PLXNC1: variants seen among roughly 807,000 people sequenced by gnomAD.
The protein encoded by PLXNC1 is plexin-C1.
Under a neutral mutation model 178.2 loss-of-function variants are expected in PLXNC1, and 75 were observed. The ratio of observed to expected loss-of-function variants is 0.42; its 90% CI spans 0.35 to 0.51. The LOEUF is 0.51. Ranked by LOEUF, PLXNC1 falls within the 20% of genes least tolerant of loss-of-function variation. PLXNC1 has a pLI of 0.02. For missense variants in PLXNC1, 1,503 were observed against 1,984.4 expected, an observed-to-expected ratio of 0.76 and a Z score of 4.61; for synonymous variants, 790 against 779.9, an observed-to-expected ratio of 1.01 and a Z score of -0.22.
chr12:94,251,359 G>A, intron 14 of PLXNC1, 67 bp from the exon 15 acceptor site: 1 of 924,706 alleles, frequency 1.1e-6, no homozygotes, highest in East Asian at 2.4e-5. Flanking sequence ...CATTTTAGGG[G>A]GGAAATTATG....
chr12:94,254,526 T>C (rs1422106764), intron 15 of PLXNC1: 1 of 616,768 alleles, frequency 1.6e-6, no homozygotes, highest in Non-Finnish European at 3.0e-6. Context: ...GATTTAGCTT[T>C]CACTTGTAAA....
At chr12:94,226,502 TTG>T in intron 7 of PLXNC1, 101 bp from the exon 8 acceptor site, 10 of 724,878 alleles carry the variant, frequency 1.4e-5, no homozygotes, top group Admixed American at 2.7e-5. Context: ...TTTTTTTTTT[TTG>T]CCTTCTTTTA....
At chr12:94,293,387 C>T (rs1043758086) in intron 23 of PLXNC1, among the ~76,000 whole-genome samples, 2 of 152,182 alleles carry the variant, frequency 1.3e-5, no homozygotes, top group Non-Finnish European at 2.9e-5. Flanking sequence ...AAACCCATTT[C>T]AGCATTTCTT....
intron 14 of PLXNC1, among the ~76,000 whole-genome samples, chr12:94,248,860 G>T (rs1263592975): frequency 6.6e-6 from 1 of 152,078 alleles, no homozygotes. Context: ...TGGGTCATGG[G>T]CTGCTTCCTT....
rs145405885 is a variant in PLXNC1 at position 94,297,951 on chromosome 12, T to C, written c.4074+528T>C. ...TTACTTTATCTGGCTTTTAGTGGAA[T>C]TAACAGAAGTCTGTGGTGATCTTTT... On this transcript the variant is annotated intron_variant, in intron 26 of 30. Coordinates refer to ENST00000258526, the MANE Select transcript of PLXNC1 (RefSeq NM_005761.3). 7.7e-4 allele frequency among the ~76,000 whole-genome samples: 118 copies of C among 152,322 alleles called. 1 individual carries two copies. In the East Asian group the frequency reaches 0.022, roughly 28 times the overall value.
At chr12:94,153,431 C>T (rs116261006) in intron 1 of PLXNC1, among the ~76,000 whole-genome samples, 1,599 of 152,286 alleles carry the variant, frequency 0.011, 26 homozygotes, top group African/African-American at 0.037. Context: ...TTTTATAACA[C>T]ACCTGTGCTT....
At chr12:94,293,866 CTCT>C (rs760713443) in intron 23 of PLXNC1, among the ~76,000 whole-genome samples, 5 of 152,148 alleles carry the variant, frequency 3.3e-5, no homozygotes, top group Non-Finnish European at 4.4e-5. Context: ...AAGGATCCTC[CTCT>C]TCTTCCTCCC....
intron 17 of PLXNC1, chr12:94,256,021 G>T (rs889463746): frequency 1.3e-5 from 2 of 152,200 alleles, no homozygotes; most frequent in Non-Finnish European, 2.9e-5. Context: ...AGTCTTTGGC[G>T]AGGTACACTC....
At chr12:94,205,141 C>T (rs944299341) in intron 4 of PLXNC1, among the ~76,000 whole-genome samples, 1 of 152,154 alleles carries the variant, frequency 6.6e-6, no homozygotes, top group African/African-American at 2.4e-5. Flanking sequence ...CAAGGTCCCC[C>T]AGCCCGGCCC....
At position 94,307,173 on chromosome 12, in the gene PLXNC1, C is replaced by T. The variant is rs1565880903; in HGVS notation, c.*1888C>T. The T allele has an allele frequency of 6.6e-6, 1 of 152,188 alleles. No homozygotes were observed. Among genetic ancestry groups the T allele is most frequent in the African/African-American group, 2.4e-5 (1 of 41,448 alleles). 9.4% of individuals were successfully genotyped at this position (152,188 alleles called of 1,614,324 possible). A position where few individuals can be genotyped will look rare whatever the true frequency, so the allele number is the denominator to read the frequency against. ...ACATGAGTCCTGTGTGGAGAGTTAC[C>T]TCCTCTTCCAGGGACTGTGCTGTTG... On this transcript the variant is annotated 3_prime_UTR_variant, in exon 31 of 31. Coordinates refer to ENST00000258526, the MANE Select transcript of PLXNC1 (RefSeq NM_005761.3).
At chr12:94,222,460 A>G (rs1963822950) in intron 6 of PLXNC1, among the ~76,000 whole-genome samples, 1 of 152,154 alleles carries the variant, frequency 6.6e-6, no homozygotes. Flanking sequence ...CACCTCTTCC[A>G]CATGCCCTTG....
At chr12:94,157,660 C>T (rs957404164) in intron 1 of PLXNC1, among the ~76,000 whole-genome samples, 3 of 152,190 alleles carry the variant, frequency 2.0e-5, no homozygotes, top group Non-Finnish European at 4.4e-5. Flanking sequence ...ACACATAGTG[C>T]TTTCCTTAGA....
At chr12:94,178,718 G>A (rs1242784312) in intron 2 of PLXNC1, among the ~76,000 whole-genome samples, 1 of 152,182 alleles carries the variant, frequency 6.6e-6, no homozygotes, top group Non-Finnish European at 1.5e-5. Flanking sequence ...ACCTTAGGTA[G>A]CTAGTGAACA....
chr12:94,206,484 TG>T (rs1432930125), intron 4 of PLXNC1, among the ~76,000 whole-genome samples: 3 of 132,630 alleles, frequency 2.3e-5, no homozygotes, highest in African/African-American at 7.4e-5. Context: ...CTTTTTGGTT[TG>T]GGGGATTTTT....
intron 4 of PLXNC1, among the ~76,000 whole-genome samples, chr12:94,198,345 A>T (rs887096447): frequency 1.3e-5 from 2 of 152,170 alleles, no homozygotes; most frequent in African/African-American, 4.8e-5. Flanking sequence ...GAACACATGG[A>T]CACAGGGAGG....
intron 9 of PLXNC1, among the ~76,000 whole-genome samples, chr12:94,236,401 C>T (rs555109693): frequency 3.9e-4 from 59 of 152,290 alleles, no homozygotes; most frequent in African/African-American, 1.3e-3. Context: ...CCAGCAATGC[C>T]ACCCCAATGA....
At chr12:94,272,435 C>T (rs1965628397) in intron 21 of PLXNC1, 1 of 152,322 alleles carries the variant, frequency 6.6e-6, no homozygotes, top group Admixed American at 6.5e-5. Context: ...TGCCACATAA[C>T]ATATCCACTT....
At chr12:94,204,898 A>G (rs1473964235) in intron 4 of PLXNC1, among the ~76,000 whole-genome samples, 1 of 152,114 alleles carries the variant, frequency 6.6e-6, no homozygotes, top group Non-Finnish European at 1.5e-5. Flanking sequence ...ATCAGTGTAG[A>G]ATCTTTGGAA....
At chr12:94,203,692 A>G (rs372025434) in intron 4 of PLXNC1, among the ~76,000 whole-genome samples, 2 of 152,212 alleles carry the variant, frequency 1.3e-5, no homozygotes, top group African/African-American at 4.8e-5. Context: ...AGGTGGTAAC[A>G]ATAACACCTA....
Sources: gnomAD v4.1 joint callset for allele counts (sites outside exome capture counted in the v4.1 genomes callset) on GRCh38, gnomAD v4.1.1 for gene constraint, MANE v1.5 for transcripts, NCBI Gene and HGNC (gene_info 2026-07-23, HGNC 2026-07-21) for gene names.